The following AKAP12 variants were observed in gnomAD, a reference collection of about 807,000 sequenced individuals.
The protein encoded by AKAP12 is A-kinase anchor protein 12.
A neutral mutation model predicts 79.9 loss-of-function variants in AKAP12; 32 were observed. The observed-to-expected ratio is 0.40, with a 90% CI of 0.30 to 0.54. The LOEUF (loss-of-function observed/expected upper bound fraction) is 0.54, where lower values mean the gene tolerates loss of function less well. Among genes scored for constraint, AKAP12 ranks in the 20% least tolerant of loss-of-function variants. The probability of loss-of-function intolerance (pLI) is 0.48; values close to 1 mark genes in which losing one functional copy is unlikely to be tolerated. For missense variants in AKAP12, 2,074 were observed against 2,177.0 expected (o/e 0.95, Z 0.94); for synonymous variants, 808 against 857.0 (o/e 0.94, Z 1.00).
chr6:151,289,389 G>A (rs1425515542), intron 2 of AKAP12, among the ~76,000 whole-genome samples: 2 of 152,148 alleles, frequency 1.3e-5, no homozygotes, highest in Non-Finnish European at 2.9e-5. Flanking sequence ...GGGTTATGTA[G>A]TAGTGAATAT....
intron 2 of AKAP12, among the ~76,000 whole-genome samples, chr6:151,259,833 T>C (rs1329485969): frequency 6.6e-6 from 1 of 151,474 alleles, no homozygotes; most frequent in Admixed American, 6.6e-5. Flanking sequence ...TGCCTCAGCC[T>C]CCCAAAGCGC....
At chr6:151,325,737 G>T in intron 3 of AKAP12, 3 of 1,554,454 alleles carry the variant, frequency 1.9e-6, no homozygotes, top group Non-Finnish European at 2.6e-6. Flanking sequence ...GGGAGTGTCT[G>T]GGCGCTCAGT....
At chr6:151,314,183 A>G (rs1252425625) in intron 3 of AKAP12, among the ~76,000 whole-genome samples, 1 of 151,828 alleles carries the variant, frequency 6.6e-6, no homozygotes, top group Non-Finnish European at 1.5e-5. Flanking sequence ...GTGCACCACC[A>G]CGCCCAGCTA....
chr6:151,332,700 G>A (rs771009723), intron 3 of AKAP12, among the ~76,000 whole-genome samples: 5 of 152,302 alleles, frequency 3.3e-5, no homozygotes, highest in Admixed American at 6.5e-5. Context: ...GTGTCTACAG[G>A]GTGGGAAAAG....
chr6:151,288,281 G>A (rs1438908947), intron 2 of AKAP12, among the ~76,000 whole-genome samples: 1 of 151,972 alleles, frequency 6.6e-6, no homozygotes. Context: ...TTGGAAAGCC[G>A]AGGTGGGTGG....
At chr6:151,345,928 T>TGAGAGAGAGAGA (rs1235285184) in intron 3 of AKAP12, among the ~76,000 whole-genome samples, 23 of 110,792 alleles carry the variant, frequency 2.1e-4, no homozygotes, top group African/African-American at 6.1e-4. Context: ...TGTGTGTGTG[T>TGAGAGAGAGAGA]GTGTGAGAGA....
rs1778245063 is a variant in AKAP12, at chr6:151,350,273, G to A, written c.1882G>A (p.Glu628Lys). 7 of 1,614,058 alleles carry A rather than the reference G, an allele frequency of 4.3e-6. No individual in the cohort carries two copies. The highest frequency in any genetic ancestry group is 5.9e-6 in the Non-Finnish European group (7 of 1,180,020). Reference protein sequence around the residue: ...TPKKRVRRPSESDKEDELDKV... With the variant: ...TPKKRVRRPSKSDKEDELDKV... ...CAAGAAGCGTGTTAGACGGCCTTCG[G>A]AAAGTGATAAAGAAGATGAGCTGGA... Residue 628 changes from glutamate to lysine, a missense_variant, in exon 4 of 5, where the codon GAA becomes AAA. This residue lies in a region of AKAP12 where 1,428 missense variants were observed against 1,451.0 expected (regional missense o/e 0.98). Coordinates refer to ENST00000402676, the MANE Select transcript of AKAP12 (RefSeq NM_005100.4). The surrounding 1 kb of genome is among the most constrained non-coding windows in gnomAD (Gnocchi z 4.8).
At chr6:151,262,926 C>T (rs1157928111) in intron 2 of AKAP12, among the ~76,000 whole-genome samples, 1 of 152,162 alleles carries the variant, frequency 6.6e-6, no homozygotes, top group Non-Finnish European at 1.5e-5. Context: ...CTAAGGTTTT[C>T]TGGGTCTCAA....
chr6:151,304,028 A>T (rs1776921271), intron 2 of AKAP12, among the ~76,000 whole-genome samples: 1 of 152,222 alleles, frequency 6.6e-6, no homozygotes, highest in African/African-American at 2.4e-5. Context: ...CGGTGTCATT[A>T]TTATAAAATG....
chr6:151,313,270 A>G (rs1777159379), intron 3 of AKAP12, among the ~76,000 whole-genome samples: 1 of 152,234 alleles, frequency 6.6e-6, no homozygotes, highest in African/African-American at 2.4e-5. Context: ...ACGCTATCAA[A>G]CACAAGTGCC....
At chr6:151,309,971 TGA>T (rs1491515456) in intron 3 of AKAP12, among the ~76,000 whole-genome samples, 3 of 125,632 alleles carry the variant, frequency 2.4e-5, no homozygotes, top group Non-Finnish European at 3.3e-5. Flanking sequence ...ACCGAAAAGA[TGA>T]AAAAAAAAAA....
chr6:151,261,831 C>G (rs1296660248), intron 2 of AKAP12, among the ~76,000 whole-genome samples: 1 of 151,282 alleles, frequency 6.6e-6, no homozygotes. Context: ...GAGCTCGGCT[C>G]ACTGCAACCT....
intron 2 of AKAP12, among the ~76,000 whole-genome samples, chr6:151,258,864 G>C (rs1797352640): frequency 1.3e-5 from 2 of 151,820 alleles, no homozygotes; most frequent in Admixed American, 1.3e-4. Flanking sequence ...CTGACCTCAA[G>C]TGATCTGCCC....
chr6:151,305,745 A>G lies in AKAP12; in HGVS notation c.163-2A>G. 2.5e-6 allele frequency: 4 copies of G among 1,606,352 alleles called. No homozygotes were observed. The highest frequency in any genetic ancestry group is 1.1e-5 in the South Asian group (1 of 89,780). ...GTTTCTATGGCTTTGTCTTTTCCAT[A>G]GCTCCTACAGAAGAATGGTCAGCTG... is the stretch of plus-strand genomic sequence containing the variant. On this transcript the variant is annotated splice_acceptor_variant, in intron 2 of 4. Transcript: ENST00000402676. LOFTEE classifies it high-confidence loss of function.
intron 2 of AKAP12, among the ~76,000 whole-genome samples, chr6:151,268,424 A>G (rs1021725669): frequency 5.9e-5 from 9 of 152,144 alleles, no homozygotes; most frequent in Non-Finnish European, 2.9e-5. Context: ...TCTCAAAACA[A>G]ACAAACAAAA....
chr6:151,331,821 C>T (rs1777675898), intron 3 of AKAP12, among the ~76,000 whole-genome samples: 1 of 147,224 alleles, frequency 6.8e-6, no homozygotes, highest in Non-Finnish European at 1.5e-5. Context: ...GGAGGTGGAG[C>T]TGGCAGTAAG....
intron 2 of AKAP12, among the ~76,000 whole-genome samples, chr6:151,303,145 A>G (rs1012241194): frequency 1.3e-5 from 2 of 152,178 alleles, no homozygotes; most frequent in African/African-American, 4.8e-5. Context: ...GTGAGCCAAG[A>G]TCATGCCATT....
intron 3 of AKAP12, among the ~76,000 whole-genome samples, chr6:151,339,359 C>T (rs577892438): frequency 6.6e-6 from 1 of 152,326 alleles, no homozygotes; most frequent in East Asian, 1.9e-4. Flanking sequence ...CAGCCTTTGG[C>T]CCTCCTGAGA....
At chr6:151,332,821 T>G (rs934206176) in intron 3 of AKAP12, among the ~76,000 whole-genome samples, 4 of 152,184 alleles carry the variant, frequency 2.6e-5, no homozygotes, top group Non-Finnish European at 4.4e-5. Flanking sequence ...GCCATCTTTG[T>G]GACCTAGTGG....
Sources: allele counts gnomAD v4.1 joint callset (sites outside exome capture counted in the v4.1 genomes callset), GRCh38; gene constraint gnomAD v4.1.1; regional missense constraint gnomAD v4.1.1; non-coding constraint Gnocchi (gnomAD v3.1); transcripts MANE v1.5; gene names NCBI Gene and HGNC (gene_info 2026-07-23, HGNC 2026-07-21).